PGCKA1: variants seen among roughly 807,000 people sequenced by gnomAD.
The protein encoded by PGCKA1 is PDCD10 and GCKIII kinases associated 1, also known as PDCD10 and GCKIII kinases-associated protein 1.
At chr4:37,570,146 ATTTTTTTTTTT>A in the PGCKA1 span, among the ~76,000 whole-genome samples, 7 of 78,932 alleles carry the variant, frequency 8.9e-5, no homozygotes, top group African/African-American at 2.8e-4. Context: ...CGCCTGGCTA[ATTTTTTTTTTT>A]TTTTTTTTTT....
chr4:37,584,405 A>G, the PGCKA1 span: 2 of 152,272 alleles, frequency 1.3e-5, no homozygotes, highest in South Asian at 2.1e-4. Context: ...GACCAGGTCT[A>G]TAGGAAACCC....
chr4:37,559,761 G>C, the PGCKA1 span, among the ~76,000 whole-genome samples: 5 of 151,880 alleles, frequency 3.3e-5, no homozygotes, highest in African/African-American at 4.8e-5. Context: ...ATTTCTCTCT[G>C]AGTCTCCTTC....
At chr4:37,512,880 G>A in the PGCKA1 span, among the ~76,000 whole-genome samples, 1 of 152,062 alleles carries the variant, frequency 6.6e-6, no homozygotes, top group African/African-American at 2.4e-5. Flanking sequence ...CCTGAGGTCG[G>A]GAGTTCGAGA....
At chr4:37,573,051 C>A in the PGCKA1 span, among the ~76,000 whole-genome samples, 1 of 152,188 alleles carries the variant, frequency 6.6e-6, no homozygotes, top group Non-Finnish European at 1.5e-5. Context: ...TACCCACCAC[C>A]AATCCATCTT....
chr4:37,503,527 G>C, the PGCKA1 span, among the ~76,000 whole-genome samples: 1 of 152,132 alleles, frequency 6.6e-6, no homozygotes, highest in African/African-American at 2.4e-5. Context: ...TAGTTTGTTG[G>C]GGAACTTCCA....
the PGCKA1 span, among the ~76,000 whole-genome samples, chr4:37,518,299 G>A: frequency 4.6e-5 from 7 of 152,172 alleles, no homozygotes; most frequent in East Asian, 5.8e-4. Flanking sequence ...CAGTGGGATT[G>A]CTAGATCGTA....
the PGCKA1 span, among the ~76,000 whole-genome samples, chr4:37,497,651 A>G: frequency 6.6e-6 from 1 of 151,994 alleles, no homozygotes; most frequent in Non-Finnish European, 1.5e-5. Flanking sequence ...GCATTTTTTC[A>G]TGTGTTTGTT....
the PGCKA1 span, among the ~76,000 whole-genome samples, chr4:37,545,726 C>T: frequency 6.6e-6 from 1 of 152,178 alleles, no homozygotes; most frequent in Non-Finnish European, 1.5e-5. Flanking sequence ...TTCATTGTTT[C>T]AGCTCAGTAG....
the PGCKA1 span, among the ~76,000 whole-genome samples, chr4:37,572,219 C>A: frequency 1.3e-5 from 2 of 151,338 alleles, no homozygotes; most frequent in Non-Finnish European, 2.9e-5. Context: ...CCCGCCACTA[C>A]GCCCGGCTAA....
chr4:37,470,975 G>A, the PGCKA1 span, among the ~76,000 whole-genome samples: 61,283 of 152,076 alleles, frequency 0.4, 12,755 homozygotes, highest in East Asian at 0.56. Flanking sequence ...AAGAAAGTAT[G>A]TCAGCCTTCC....
the PGCKA1 span, among the ~76,000 whole-genome samples, chr4:37,527,590 T>C: frequency 4.0e-5 from 6 of 150,902 alleles, no homozygotes; most frequent in East Asian, 1.2e-3. Context: ...GAGGCCGAGG[T>C]GGGCAGATCA....
chr4:37,501,726 T>C, the PGCKA1 span, among the ~76,000 whole-genome samples: 8 of 152,228 alleles, frequency 5.3e-5, no homozygotes, highest in Admixed American at 1.3e-4. Context: ...GTGATCTTCA[T>C]TCCTATCCAT....
At chr4:37,568,984 C>T in the PGCKA1 span, among the ~76,000 whole-genome samples, 1 of 151,626 alleles carries the variant, frequency 6.6e-6, no homozygotes, top group Non-Finnish European at 1.5e-5. Context: ...GTAGTTGCAG[C>T]TACTCAGGAG....
chr4:37,581,967 C>T, the PGCKA1 span, among the ~76,000 whole-genome samples: 1 of 152,188 alleles, frequency 6.6e-6, no homozygotes, highest in South Asian at 2.1e-4. The surrounding 1 kb of genome is among the most constrained non-coding windows in gnomAD (Gnocchi z 4.4). Flanking sequence ...CCAAATGCTC[C>T]CTCTGTGTGT....
chr4:37,495,697 C>T, the PGCKA1 span, among the ~76,000 whole-genome samples: 37 of 152,004 alleles, frequency 2.4e-4, no homozygotes, highest in Non-Finnish European at 4.1e-4. Flanking sequence ...CATCACACAC[C>T]GGGCCTATCG....
chr4:37,459,509 C>T, the PGCKA1 span, among the ~76,000 whole-genome samples: 1 of 152,204 alleles, frequency 6.6e-6, no homozygotes, highest in Non-Finnish European at 1.5e-5. Context: ...CATTTAAACC[C>T]ATGTCCATGT....
chr4:37,573,705 A>G, the PGCKA1 span, among the ~76,000 whole-genome samples: 148,052 of 152,280 alleles, frequency 0.97, 72,056 homozygotes, highest in Non-Finnish European at 1. Context: ...TCAAGTTTTC[A>G]CTATTATGAA....
chr4:37,503,996 G>A, the PGCKA1 span, among the ~76,000 whole-genome samples: 4 of 152,238 alleles, frequency 2.6e-5, no homozygotes, highest in African/African-American at 9.6e-5. Context: ...TTGCTTGCCT[G>A]TGCTTCTGAG....
the PGCKA1 span, among the ~76,000 whole-genome samples, chr4:37,497,751 G>T: frequency 6.6e-6 from 1 of 151,978 alleles, no homozygotes; most frequent in African/African-American, 2.4e-5. Flanking sequence ...TTACTGATTT[G>T]TTTGAGTTCA....
Sources: allele counts gnomAD v4.1 joint callset (sites outside exome capture counted in the v4.1 genomes callset), GRCh38; gene constraint gnomAD v4.1.1; non-coding constraint Gnocchi (gnomAD v3.1); transcripts MANE v1.5; gene names NCBI Gene and HGNC (gene_info 2026-07-23, HGNC 2026-07-21).